PDE4D: variants seen among roughly 807,000 people sequenced by gnomAD.
PDE4D encodes the protein phosphodiesterase 4D.
Under a neutral mutation model 87.4 loss-of-function variants are expected in PDE4D, and 24 were observed. The ratio of observed to expected loss-of-function variants is 0.27; its 90% CI spans 0.20 to 0.39. PDE4D has a LOEUF of 0.39. PDE4D is among the 10% of genes least tolerant of loss of function. PDE4D has a pLI of 1.00. For missense variants in PDE4D, 714 were observed against 1,041.0 expected, an observed-to-expected ratio of 0.69 and a Z score of 4.32; for synonymous variants, 384 against 383.2, an observed-to-expected ratio of 1.00 and a Z score of -0.02.
At chr5:60,492,747 T>C (rs1027387983), upstream of PDE4D, among the ~76,000 whole-genome samples, 17 of 151,980 alleles carry the variant, frequency 1.1e-4, no homozygotes, top group African/African-American at 3.9e-4. Context: ...TGTCAGTGGG[T>C]AGGGGGCTGA....
At chr5:58,983,942 A>G (rs1300756831) in intron 11 of PDE4D, among the ~76,000 whole-genome samples, 1 of 152,208 alleles carries the variant, frequency 6.6e-6, no homozygotes, top group Non-Finnish European at 1.5e-5. Flanking sequence ...CTTATGATGG[A>G]GTCCACATGG....
At chr5:59,459,236 T>C (rs1335734850) in intron 1 of PDE4D, among the ~76,000 whole-genome samples, 3 of 152,196 alleles carry the variant, frequency 2.0e-5, no homozygotes, top group African/African-American at 4.8e-5. Context: ...CTGTCTTATG[T>C]ACTGAAAAAA....
intron 1 of PDE4D, among the ~76,000 whole-genome samples, chr5:60,302,592 T>A: frequency 6.6e-6 from 1 of 152,144 alleles, no homozygotes; most frequent in East Asian, 1.9e-4. Flanking sequence ...GCAGTCTCTT[T>A]TATTAATTAT....
chr5:59,992,439 C>G (rs1763111538), intron 2 of PDE4D, among the ~76,000 whole-genome samples: 1 of 152,176 alleles, frequency 6.6e-6, no homozygotes, highest in Admixed American at 6.5e-5. Flanking sequence ...TACATGTATC[C>G]TATTAGTTCT....
chr5:59,351,567 C>G (rs1465816948), intron 1 of PDE4D, among the ~76,000 whole-genome samples: 1 of 152,110 alleles, frequency 6.6e-6, no homozygotes, highest in Non-Finnish European at 1.5e-5. Context: ...CAGTAAAATA[C>G]AACCACATGA....
intron 1 of PDE4D, among the ~76,000 whole-genome samples, chr5:60,453,592 A>G (rs1045639848): frequency 2.0e-5 from 3 of 152,156 alleles, no homozygotes; most frequent in Non-Finnish European, 2.9e-5. Context: ...TATACATTCA[A>G]ATAGGTTTGT....
At chr5:59,618,037 ACTC>A (rs1335711983) in intron 1 of PDE4D, among the ~76,000 whole-genome samples, 10 of 151,552 alleles carry the variant, frequency 6.6e-5, no homozygotes, top group African/African-American at 2.4e-4. Context: ...AGTTCTGAAT[ACTC>A]CTCATTTCAT....
intron 2 of PDE4D, among the ~76,000 whole-genome samples, chr5:60,156,824 A>T (rs1782021375): frequency 6.6e-6 from 1 of 152,060 alleles, no homozygotes; most frequent in African/African-American, 2.4e-5. Flanking sequence ...TTTTCATATT[A>T]AAAAAGCTCT....
At chr5:59,415,466 G>C (rs1793437987) in intron 1 of PDE4D, among the ~76,000 whole-genome samples, 1 of 152,160 alleles carries the variant, frequency 6.6e-6, no homozygotes, top group African/African-American at 2.4e-5. Context: ...ACAAGAGGCT[G>C]TTGGGCACTT....
chr5:60,493,299 C>T (rs530794688), intron 1 of PDE4D, among the ~76,000 whole-genome samples: 5 of 152,094 alleles, frequency 3.3e-5, no homozygotes, highest in South Asian at 2.1e-4. Flanking sequence ...TAACCAAAAA[C>T]GATTTGAAGG....
At chr5:59,414,585 A>G (rs1268324009) in intron 1 of PDE4D, among the ~76,000 whole-genome samples, 1 of 152,236 alleles carries the variant, frequency 6.6e-6, no homozygotes, top group African/African-American at 2.4e-5. Context: ...AGAAGGAGCC[A>G]GAAGAGTCAA....
intron 9 of PDE4D, among the ~76,000 whole-genome samples, chr5:58,990,299 T>C (rs1002363809): frequency 1.3e-5 from 2 of 152,116 alleles, no homozygotes; most frequent in African/African-American, 4.8e-5. Flanking sequence ...AGTTTCCCAT[T>C]TCGGTCCCGA....
At chr5:59,159,406 T>C (rs562122607) in intron 5 of PDE4D, among the ~76,000 whole-genome samples, 1 of 152,284 alleles carries the variant, frequency 6.6e-6, no homozygotes, top group South Asian at 2.1e-4. Context: ...GTGCTGCGAT[T>C]AGAGGTGTGA....
chr5:59,265,555 A>G (rs1325038792), intron 1 of PDE4D, among the ~76,000 whole-genome samples: 1 of 152,128 alleles, frequency 6.6e-6, no homozygotes, highest in African/African-American at 2.4e-5. Flanking sequence ...TAAACTTCAA[A>G]AATGCATAAT....
intron 1 of PDE4D, among the ~76,000 whole-genome samples, chr5:60,400,084 G>A (rs1278237343): frequency 6.6e-6 from 1 of 152,130 alleles, no homozygotes; most frequent in Non-Finnish European, 1.5e-5. Context: ...TTTGGATCTG[G>A]AAAAACACAA....
At chr5:59,282,643 C>CAAAAAAA (rs60262509) in intron 1 of PDE4D, among the ~76,000 whole-genome samples, 12 of 38,820 alleles carry the variant, frequency 3.1e-4, no homozygotes, top group Non-Finnish European at 4.1e-4. Flanking sequence ...AACTCCAGCT[C>CAAAAAAA]AAAAAAAAAA....
chr5:59,595,097 A>G (rs1331309399), intron 1 of PDE4D, among the ~76,000 whole-genome samples: 1 of 152,196 alleles, frequency 6.6e-6, no homozygotes, highest in African/African-American at 2.4e-5. Context: ...TTATACCCAG[A>G]ATATGTACAA....
At chr5:59,527,054 C>G (rs1296804702) in intron 1 of PDE4D, among the ~76,000 whole-genome samples, 1 of 151,846 alleles carries the variant, frequency 6.6e-6, no homozygotes, top group African/African-American at 2.4e-5. Flanking sequence ...TCTTCTCATG[C>G]CAAAATAAAA....
intron 1 of PDE4D, among the ~76,000 whole-genome samples, chr5:60,267,140 G>A (rs542990430): frequency 1.5e-4 from 23 of 152,202 alleles, no homozygotes; most frequent in East Asian, 1.4e-3. Context: ...GTGTGTTTCC[G>A]TTACATTTAC....
Sources: gnomAD v4.1 joint callset for allele counts (sites outside exome capture counted in the v4.1 genomes callset) on GRCh38, gnomAD v4.1.1 for gene constraint, MANE v1.5 for transcripts, NCBI Gene and HGNC (gene_info 2026-07-23, HGNC 2026-07-21) for gene names.